The following WDR41 variants were observed in gnomAD, a reference collection of about 807,000 sequenced individuals.
The protein encoded by WDR41 is WD repeat domain 41.
In WDR41, 63 loss-of-function variants were observed where a neutral mutation model predicts 69.3. The observed-to-expected ratio is 0.91, with a 90% CI of 0.74 to 1.12. The LOEUF (loss-of-function observed/expected upper bound fraction) is 1.12, where lower values mean the gene tolerates loss of function less well. Among genes scored for constraint, WDR41 ranks in the 50% most tolerant of loss-of-function variants. The pLI is 0.00. For synonymous variants in WDR41, 185 were observed against 192.1 expected, an observed-to-expected ratio of 0.96 and a Z score of 0.31; for missense variants, 543 against 534.5, an observed-to-expected ratio of 1.02 and a Z score of -0.16.
chr5:77,505,432 C>G (rs1050989773), intron 1 of WDR41, among the ~76,000 whole-genome samples: 9 of 152,190 alleles, frequency 5.9e-5, no homozygotes, highest in African/African-American at 2.2e-4. Context: ...GAATCAATAT[C>G]GTGAAAATGG....
At chr5:77,505,165 A>G (rs1347631845) in intron 1 of WDR41, among the ~76,000 whole-genome samples, 1 of 152,236 alleles carries the variant, frequency 6.6e-6, no homozygotes. Flanking sequence ...CTGATAAGCA[A>G]CTTCAGCAAA....
intron 5 of WDR41, among the ~76,000 whole-genome samples, chr5:77,456,953 C>T (rs1561740652): frequency 6.6e-6 from 1 of 152,182 alleles, no homozygotes; most frequent in Non-Finnish European, 1.5e-5. Flanking sequence ...ATCCACCCAC[C>T]TTGGTCTCCC....
At chr5:77,460,336 A>C (rs940824712) in intron 4 of WDR41, among the ~76,000 whole-genome samples, 4 of 152,246 alleles carry the variant, frequency 2.6e-5, no homozygotes, top group African/African-American at 9.6e-5. Flanking sequence ...TATGTATATA[A>C]CACACTAAAA....
intron 1 of WDR41, among the ~76,000 whole-genome samples, chr5:77,569,293 A>G (rs1743689662): frequency 6.6e-6 from 1 of 152,222 alleles, no homozygotes; most frequent in African/African-American, 2.4e-5. Flanking sequence ...AATAAATTAT[A>G]CAATGCCTTT....
At chr5:77,503,696 C>G (rs1289465835) in intron 1 of WDR41, among the ~76,000 whole-genome samples, 1 of 152,162 alleles carries the variant, frequency 6.6e-6, no homozygotes, top group Non-Finnish European at 1.5e-5. Flanking sequence ...ACAGTGCAAT[C>G]AAATTAGAAC....
intron 8 of WDR41, among the ~76,000 whole-genome samples, chr5:77,442,894 C>CAAAA (rs60442242): frequency 7.1e-5 from 4 of 56,264 alleles, no homozygotes; most frequent in Admixed American, 3.0e-4. Flanking sequence ...TCTGTCTCCC[C>CAAAA]AAAAAAAAAA....
chr5:77,502,730 T>A (rs1316384979), intron 1 of WDR41, among the ~76,000 whole-genome samples: 2 of 150,828 alleles, frequency 1.3e-5, no homozygotes, highest in Non-Finnish European at 3.0e-5. Context: ...ATTCTTAAAA[T>A]AATTTTCAAC....
intron 1 of WDR41, among the ~76,000 whole-genome samples, chr5:77,590,326 G>A (rs1744113381): frequency 6.6e-6 from 1 of 152,044 alleles, no homozygotes; most frequent in Non-Finnish European, 1.5e-5. Context: ...TTCACGATAG[G>A]TTCACATGAC....
chr5:77,466,487 A>G (rs574275256), intron 2 of WDR41, among the ~76,000 whole-genome samples: 11 of 152,020 alleles, frequency 7.2e-5, no homozygotes, highest in Admixed American at 2.0e-4. Flanking sequence ...TAAACTTAAA[A>G]TTGCATTTAG....
chr5:77,545,481 C>T, intron 1 of WDR41: 1 of 219,162 alleles, frequency 4.6e-6, no homozygotes, highest in Non-Finnish European at 8.9e-6. Flanking sequence ...TCCGGGGAGG[C>T]TTCGGCAGTG....
intron 1 of WDR41, 65 bp downstream of exon 1, chr5:77,492,105 A>G: frequency 6.3e-7 from 1 of 1,584,924 alleles, no homozygotes; most frequent in African/African-American, 1.4e-5. Context: ...AGGAAGGCCG[A>G]ACCGGAACGA....
At chr5:77,549,083 G>A (rs549986895) in intron 1 of WDR41, among the ~76,000 whole-genome samples, 11 of 151,848 alleles carry the variant, frequency 7.2e-5, no homozygotes, top group Admixed American at 2.6e-4. Flanking sequence ...GCTAAGCTAT[G>A]AGGATGCAAA....
At chr5:77,534,807 A>G (rs906968088) in intron 1 of WDR41, among the ~76,000 whole-genome samples, 1 of 152,208 alleles carries the variant, frequency 6.6e-6, no homozygotes, top group Non-Finnish European at 1.5e-5. Context: ...AGCTGAGGAT[A>G]CCAACATGAA....
At chr5:77,504,989 A>C (rs1177301074) in intron 1 of WDR41, among the ~76,000 whole-genome samples, 1 of 152,064 alleles carries the variant, frequency 6.6e-6, no homozygotes, top group Non-Finnish European at 1.5e-5. Flanking sequence ...CTCTCTCACC[A>C]CTCCTATTCA....
At chr5:77,544,478 A>G (rs537123274) in intron 1 of WDR41, among the ~76,000 whole-genome samples, 2 of 152,216 alleles carry the variant, frequency 1.3e-5, no homozygotes, top group South Asian at 4.1e-4. Context: ...ATAAAAAGAC[A>G]TTTCAAGCAA....
intron 1 of WDR41, among the ~76,000 whole-genome samples, chr5:77,599,240 A>C: frequency 8.9e-6 from 1 of 112,874 alleles, no homozygotes. Context: ...TCTCTCTTTC[A>C]CCCAGGCTGG....
chr5:77,476,675 G>A (rs1800948160), intron 2 of WDR41, among the ~76,000 whole-genome samples: 1 of 151,674 alleles, frequency 6.6e-6, no homozygotes. Flanking sequence ...TGAAGGAAGT[G>A]CTAAACATGG....
intron 1 of WDR41, among the ~76,000 whole-genome samples, chr5:77,558,479 G>A (rs572479759): frequency 5.9e-5 from 9 of 152,246 alleles, no homozygotes; most frequent in Admixed American, 3.9e-4. Context: ...GACCTGCACC[G>A]AATTCCCCAG....
intron 1 of WDR41, among the ~76,000 whole-genome samples, chr5:77,498,124 A>G (rs368941018): frequency 6.6e-6 from 1 of 152,342 alleles, no homozygotes; most frequent in East Asian, 1.9e-4. Flanking sequence ...GAATGAGTAC[A>G]GAGTTTATGT....
Sources: allele counts gnomAD v4.1 joint callset (sites outside exome capture counted in the v4.1 genomes callset), GRCh38; gene constraint gnomAD v4.1.1; transcripts MANE v1.5; gene names NCBI Gene and HGNC (gene_info 2026-07-23, HGNC 2026-07-21).